ZSWIM6: variants seen among roughly 807,000 people sequenced by gnomAD.
The protein encoded by ZSWIM6 is zinc finger SWIM domain-containing protein 6.
A neutral mutation model predicts 113.2 loss-of-function variants in ZSWIM6; 9 were observed. That is an observed-to-expected ratio of 0.08 (90% CI 0.05 to 0.14). ZSWIM6 has a LOEUF of 0.14. ZSWIM6 is among the 10% of genes least tolerant of loss of function. The pLI, the probability that ZSWIM6 is intolerant of heterozygous loss-of-function variation, is 1.00. For missense variants in ZSWIM6, 1,162 were observed against 1,552.2 expected, an observed-to-expected ratio of 0.75 and a Z score of 4.22; for synonymous variants, 611 against 606.5, an observed-to-expected ratio of 1.01 and a Z score of -0.11.
At chr5:61,444,203 T>C (rs1746898627) in intron 1 of ZSWIM6, among the ~76,000 whole-genome samples, 1 of 149,648 alleles carries the variant, frequency 6.7e-6, no homozygotes, top group Non-Finnish European at 1.5e-5. Context: ...CAGTGTTTGG[T>C]TTTTTGTCCC....
At chr5:61,389,629 T>C (rs1192384909) in intron 1 of ZSWIM6, among the ~76,000 whole-genome samples, 8 of 151,696 alleles carry the variant, frequency 5.3e-5, no homozygotes, top group Non-Finnish European at 1.5e-5. Context: ...TCTTCAGTGA[T>C]TCAAGGTCTA....
chr5:61,514,802 G>T (rs547077189), intron 4 of ZSWIM6, among the ~76,000 whole-genome samples: 1 of 152,104 alleles, frequency 6.6e-6, no homozygotes, highest in East Asian at 1.9e-4. Context: ...TTACTTCTAT[G>T]CTCATGAGGG....
intron 1 of ZSWIM6, among the ~76,000 whole-genome samples, chr5:61,419,951 C>T (rs1206936864): frequency 6.6e-6 from 1 of 152,176 alleles, no homozygotes; most frequent in Non-Finnish European, 1.5e-5. Flanking sequence ...CAACTTTGCC[C>T]TTTACTAGAA....
chr5:61,368,850 C>T (rs1745210724), intron 1 of ZSWIM6, among the ~76,000 whole-genome samples: 1 of 152,196 alleles, frequency 6.6e-6, no homozygotes, highest in Admixed American at 6.5e-5. Flanking sequence ...AGTGTAGTTT[C>T]TGCTTTGACA....
rs943296639 is a variant in ZSWIM6 at position 61,455,152 on chromosome 5, T to TA, written c.677-17521dup. ...TTATTTTTGAGAGAAAAGTAATTTA[T>TA]AAAAAAAATAGTTTTCTTCCTTGTT... On this transcript the variant is annotated intron_variant, in intron 1 of 13. Coordinates refer to ENST00000252744, the MANE Select transcript of ZSWIM6 (RefSeq NM_020928.2). Among the ~76,000 whole-genome samples, 5 of 151,988 alleles carry TA rather than the reference T, an allele frequency of 3.3e-5. No individual in the cohort carries two copies. The South Asian group carries it at 6.2e-4, about 19-fold the overall frequency.
chr5:61,341,829 TC>T (rs1744554407), intron 1 of ZSWIM6, among the ~76,000 whole-genome samples: 3 of 151,892 alleles, frequency 2.0e-5, no homozygotes, highest in African/African-American at 7.3e-5. Context: ...TGTACTTCTT[TC>T]ACATAAATGA....
Position 61,525,795 on chromosome 5 carries a change from A to C in ZSWIM6, c.1514-5A>C. The C allele has an allele frequency of 6.4e-7, 1 of 1,551,446 alleles. No homozygotes were observed. The highest frequency in any genetic ancestry group is 8.7e-7 in the Non-Finnish European group (1 of 1,146,798). On this transcript the variant is annotated splice_region_variant and splice_polypyrimidine_tract_variant and intron_variant, in intron 5 of 13. Coordinates refer to ENST00000252744, the MANE Select transcript of ZSWIM6 (RefSeq NM_020928.2). ...ACACGGCTTTCTGAATTGTGGAAAA[A>C]ACAGATTCATCGAACAGGCCACATC...
At chr5:61,375,148 C>T in intron 1 of ZSWIM6, 1 of 1,612,730 alleles carries the variant, frequency 6.2e-7, no homozygotes, top group Non-Finnish European at 8.5e-7. Flanking sequence ...CTATATGAAC[C>T]CAATAGCAAT....
chr5:61,502,550 T>C (rs527565054), intron 4 of ZSWIM6, among the ~76,000 whole-genome samples: 1 of 152,308 alleles, frequency 6.6e-6, no homozygotes, highest in South Asian at 2.1e-4. Flanking sequence ...ATTCCGATAT[T>C]ATAAATGCAT....
At chr5:61,500,820 TC>T (rs2112229385) in intron 4 of ZSWIM6, among the ~76,000 whole-genome samples, 1 of 152,238 alleles carries the variant, frequency 6.6e-6, no homozygotes, top group East Asian at 1.9e-4. Context: ...CATTTTCAGG[TC>T]CCCTTTGGTA....
intron 1 of ZSWIM6, among the ~76,000 whole-genome samples, chr5:61,445,149 T>C (rs1746924635): frequency 1.3e-5 from 2 of 152,212 alleles, no homozygotes; most frequent in East Asian, 1.9e-4. Flanking sequence ...AGTGACAGAA[T>C]TGTGACCAAA....
intron 1 of ZSWIM6, among the ~76,000 whole-genome samples, chr5:61,446,532 T>C (rs1274986236): frequency 6.6e-6 from 1 of 152,226 alleles, no homozygotes; most frequent in Admixed American, 6.5e-5. Context: ...AAAGATCATT[T>C]TGATTTTGGC....
Position 61,472,538 on chromosome 5 carries a change from G to T in ZSWIM6, c.677-143G>T. 2 of 587,622 alleles carry T rather than the reference G, an allele frequency of 3.4e-6. No individual in the cohort carries two copies. The highest frequency in any genetic ancestry group is 5.8e-6 in the Non-Finnish European group (2 of 344,646). The allele number at this position is 587,622 out of a possible 1,614,324, so 36.4% of individuals were successfully genotyped here. A position where few individuals can be genotyped will look rare whatever the true frequency, so the allele number is the denominator to read the frequency against. On this transcript the variant is annotated intron_variant, in intron 1 of 13. Coordinates refer to ENST00000252744, the MANE Select transcript of ZSWIM6 (RefSeq NM_020928.2). The surrounding 1 kb of genome is among the most constrained non-coding windows in gnomAD (Gnocchi z 4.1). ...AAGGGGGTGGTGGTAGTGGTTAGTG[G>T]CCTGAATGTTTTTACTTGAATATAG...
chr5:61,358,074 A>G (rs1488586029), intron 1 of ZSWIM6, among the ~76,000 whole-genome samples: 1 of 152,154 alleles, frequency 6.6e-6, no homozygotes, highest in Non-Finnish European at 1.5e-5. Flanking sequence ...ACTAAGTTCC[A>G]CCATTTTGTA....
intron 1 of ZSWIM6, among the ~76,000 whole-genome samples, chr5:61,452,904 G>A (rs1747115486): frequency 6.6e-6 from 1 of 152,052 alleles, no homozygotes; most frequent in South Asian, 2.1e-4. Context: ...TGTCTTTTAT[G>A]ACCTTGACAC....
At position 61,545,080 on chromosome 5, in the gene ZSWIM6, C is replaced by CAAAAAAA. The variant is rs11406379; in HGVS notation, c.*767_*773dup. The CAAAAAAA allele has an allele frequency of 6.7e-6, 1 of 148,670 alleles. No individual in the cohort carries two copies. 9.2% of individuals were successfully genotyped at this position (148,670 alleles called of 1,614,324 possible). A position where few individuals can be genotyped will look rare whatever the true frequency, so the allele number is the denominator to read the frequency against. On this transcript the variant is annotated 3_prime_UTR_variant, in exon 14 of 14. Transcript: ENST00000252744. ...GCAGTAGCTTGGTTTTAAACAAAAA[C>CAAAAAAA]AAAAAAAAAACTGAGAGAAAACCTA... is the stretch of plus-strand genomic sequence containing the variant.
At chr5:61,359,842 A>C (rs557095069) in intron 1 of ZSWIM6, among the ~76,000 whole-genome samples, 7 of 152,316 alleles carry the variant, frequency 4.6e-5, no homozygotes, top group South Asian at 2.1e-4. Flanking sequence ...AAAATGGAAA[A>C]AAAACAAAAC....
chr5:61,391,013 T>C (rs574388310), intron 1 of ZSWIM6: 21 of 752,698 alleles, frequency 2.8e-5, no homozygotes, highest in South Asian at 2.7e-4. Context: ...TATCCCTGGC[T>C]GATCTTATAG....
At chr5:61,380,881 G>A (rs551682075) in intron 1 of ZSWIM6, among the ~76,000 whole-genome samples, 2 of 151,416 alleles carry the variant, frequency 1.3e-5, no homozygotes, top group East Asian at 1.9e-4. Context: ...CAAGTGGATC[G>A]CTTGAACCCA....
Sources: allele counts gnomAD v4.1 joint callset (sites outside exome capture counted in the v4.1 genomes callset), GRCh38; gene constraint gnomAD v4.1.1; non-coding constraint Gnocchi (gnomAD v3.1); transcripts MANE v1.5; gene names NCBI Gene and HGNC (gene_info 2026-07-23, HGNC 2026-07-21).